The following FSTL4 variants were observed in gnomAD, a reference collection of about 807,000 sequenced individuals.
FSTL4 encodes follistatin-related protein 4.
Under a neutral mutation model 78.2 loss-of-function variants are expected in FSTL4, and 28 were observed. The observed-to-expected ratio is 0.36, with a 90% CI of 0.27 to 0.49. The LOEUF is 0.49. FSTL4 is among the 20% of genes least tolerant of loss of function. The pLI is 0.98. For missense variants in FSTL4, 922 were observed against 1,084.9 expected, an observed-to-expected ratio of 0.85 and a Z score of 2.11; for synonymous variants, 422 against 440.5, an observed-to-expected ratio of 0.96 and a Z score of 0.53.
chr5:133,810,532 G>T, the FSTL4 span, among the ~76,000 whole-genome samples: 2 of 152,286 alleles, frequency 1.3e-5, no homozygotes, highest in African/African-American at 4.8e-5. Flanking sequence ...AGGAGCAGGG[G>T]TTTAACAAGC....
At chr5:133,574,199 T>C (rs1450384176) in intron 2 of FSTL4, among the ~76,000 whole-genome samples, 1 of 152,180 alleles carries the variant, frequency 6.6e-6, no homozygotes, top group African/African-American at 2.4e-5. Flanking sequence ...ACAAATAACC[T>C]AATTGAAGAA....
intron 7 of FSTL4, among the ~76,000 whole-genome samples, chr5:133,239,237 C>T (rs541450554): frequency 7.0e-6 from 1 of 142,726 alleles, no homozygotes; most frequent in South Asian, 2.6e-4. Context: ...ACCCCCACCC[C>T]CCTCCCTGCC....
intron 3 of FSTL4, among the ~76,000 whole-genome samples, chr5:133,502,674 G>A (rs1293882697): frequency 6.6e-6 from 1 of 152,122 alleles, no homozygotes; most frequent in African/African-American, 2.4e-5. Context: ...CTCCCACTCT[G>A]GCCATGTGAG....
At chr5:133,309,986 G>A (rs997766427) in intron 6 of FSTL4, among the ~76,000 whole-genome samples, 1 of 152,174 alleles carries the variant, frequency 6.6e-6, no homozygotes, top group Non-Finnish European at 1.5e-5. Context: ...AATGCCCATC[G>A]ATTGCTGGGT....
At chr5:133,670,234 G>C in the FSTL4 span, among the ~76,000 whole-genome samples, 6 of 152,232 alleles carry the variant, frequency 3.9e-5, no homozygotes, top group Non-Finnish European at 8.8e-5. Flanking sequence ...AATATGAATT[G>C]AACTGGTAAA....
the FSTL4 span, among the ~76,000 whole-genome samples, chr5:133,812,521 A>G: frequency 6.6e-6 from 1 of 151,406 alleles, no homozygotes; most frequent in African/African-American, 2.4e-5. Flanking sequence ...CTCTACCTAA[A>G]ACATTGATTT....
At chr5:133,433,917 G>A (rs914728655) in intron 3 of FSTL4, among the ~76,000 whole-genome samples, 3 of 152,070 alleles carry the variant, frequency 2.0e-5, no homozygotes, top group Non-Finnish European at 4.4e-5. Context: ...AGATAGGGAG[G>A]CAGCAGTGGG....
At chr5:133,215,803 C>T (rs1320365136) in intron 13 of FSTL4, among the ~76,000 whole-genome samples, 1 of 152,108 alleles carries the variant, frequency 6.6e-6, no homozygotes, top group East Asian at 1.9e-4. Flanking sequence ...GGCTTCTGGC[C>T]CCTTCATCCC....
the FSTL4 span, among the ~76,000 whole-genome samples, chr5:133,704,835 C>T: frequency 6.6e-6 from 1 of 152,208 alleles, no homozygotes; most frequent in Non-Finnish European, 1.5e-5. Context: ...GGGTCACACA[C>T]CAGATCCTAA....
intron 4 of FSTL4, among the ~76,000 whole-genome samples, chr5:133,340,012 C>T (rs1754548352): frequency 6.6e-6 from 1 of 152,196 alleles, no homozygotes; most frequent in Admixed American, 6.5e-5. Flanking sequence ...TATTTCCCTG[C>T]ATGAGTGCTC....
intron 3 of FSTL4, among the ~76,000 whole-genome samples, chr5:133,428,624 T>G (rs1580702673): frequency 6.6e-6 from 1 of 152,136 alleles, no homozygotes; most frequent in Non-Finnish European, 1.5e-5. Flanking sequence ...GAGCACCAAG[T>G]GGTCACACAG....
At chr5:133,430,387 C>T (rs1756909139) in intron 3 of FSTL4, among the ~76,000 whole-genome samples, 2 of 152,058 alleles carry the variant, frequency 1.3e-5, no homozygotes. Flanking sequence ...GTGGTATTTG[C>T]AAAGGGTTTG....
At chr5:133,683,416 A>C in the FSTL4 span, among the ~76,000 whole-genome samples, 1 of 152,246 alleles carries the variant, frequency 6.6e-6, no homozygotes, top group Non-Finnish European at 1.5e-5. Flanking sequence ...CGGATGTTTT[A>C]ATGCAAATTT....
At chr5:133,298,734 G>A (rs781391400) in intron 6 of FSTL4, among the ~76,000 whole-genome samples, 15 of 152,176 alleles carry the variant, frequency 9.9e-5, no homozygotes, top group Admixed American at 3.9e-4. Context: ...GTCTCAGTTC[G>A]CTCTGGAAGC....
chr5:133,324,988 C>T (rs904576263), intron 4 of FSTL4, among the ~76,000 whole-genome samples: 1 of 152,234 alleles, frequency 6.6e-6, no homozygotes, highest in Admixed American at 6.5e-5. Context: ...CCAGCATGGC[C>T]AGGCTAGGGG....
chr5:133,793,041 G>A, the FSTL4 span, among the ~76,000 whole-genome samples: 1 of 152,174 alleles, frequency 6.6e-6, no homozygotes. Context: ...AATTCTATAA[G>A]TGCTTTTCTT....
chr5:133,346,184 T>G (rs758518962), intron 4 of FSTL4, among the ~76,000 whole-genome samples: 7 of 151,426 alleles, frequency 4.6e-5, no homozygotes, highest in Non-Finnish European at 7.4e-5. Context: ...TAAGTGGGAG[T>G]TGAACAATGG....
intron 6 of FSTL4, among the ~76,000 whole-genome samples, chr5:133,291,016 C>G (rs1165798467): frequency 6.6e-6 from 1 of 152,250 alleles, no homozygotes; most frequent in African/African-American, 2.4e-5. Context: ...TCTCCGACTC[C>G]CCACCCATCT....
At position 133,240,307 on chromosome 5, in the gene FSTL4, G is replaced by A. The variant is rs571218609; in HGVS notation, c.895-6770C>T. On this transcript the variant is annotated intron_variant, in intron 7 of 15. Coordinates refer to ENST00000265342, the MANE Select transcript of FSTL4 (RefSeq NM_015082.2). ...CCCACCAATTCCGGACATAATAGAC[G>A]GACTTGCCATCCTGCAAAGACCTGA... Among the ~76,000 whole-genome samples the A allele has an allele frequency of 5.9e-5, 9 of 152,132 alleles. No individual in the cohort carries two copies. The East Asian group carries it at 9.6e-4, about 16-fold the overall frequency.
Sources: gnomAD v4.1 joint callset for allele counts (sites outside exome capture counted in the v4.1 genomes callset) on GRCh38, gnomAD v4.1.1 for gene constraint, MANE v1.5 for transcripts, NCBI Gene and HGNC (gene_info 2026-07-23, HGNC 2026-07-21) for gene names.